The following SLCO6A1 variants were observed in gnomAD, a reference collection of about 807,000 sequenced individuals.
SLCO6A1 encodes solute carrier organic anion transporter family member 6A1, also known as cancer/testis antigen 48.
SLCO6A1 carries 65 observed loss-of-function variants against 72.7 expected under a neutral mutation model. That is an observed-to-expected ratio of 0.89 (90% CI 0.73 to 1.10). SLCO6A1 has a LOEUF of 1.10. Ranked by LOEUF, SLCO6A1 falls within the 50% of genes least tolerant of loss-of-function variation. The pLI, the probability that SLCO6A1 is intolerant of heterozygous loss-of-function variation, is 0.00. For missense variants in SLCO6A1, 874 were observed against 872.6 expected, an observed-to-expected ratio of 1.00 and a Z score of -0.02; for synonymous variants, 314 against 298.2, an observed-to-expected ratio of 1.05 and a Z score of -0.55.
intron 11 of SLCO6A1, among the ~76,000 whole-genome samples, chr5:102,390,386 C>T (rs186173157): frequency 2.0e-5 from 3 of 152,162 alleles, no homozygotes; most frequent in African/African-American, 7.2e-5. Flanking sequence ...TGATCTCTAT[C>T]AGAGCCGCAC....
At chr5:102,406,745 T>TA (rs536925183) in intron 9 of SLCO6A1, among the ~76,000 whole-genome samples, 33 of 151,030 alleles carry the variant, frequency 2.2e-4, no homozygotes, top group Admixed American at 1.5e-3. Flanking sequence ...ATTTGTATTC[T>TA]AAAAAAAAAC....
chr5:102,492,782 C>A (rs568588183), intron 1 of SLCO6A1, among the ~76,000 whole-genome samples: 3 of 152,340 alleles, frequency 2.0e-5, no homozygotes, highest in Admixed American at 6.5e-5. Flanking sequence ...CGAAGCCTCA[C>A]TCATTGCTAG....
intron 4 of SLCO6A1, among the ~76,000 whole-genome samples, chr5:102,471,046 G>A (rs933715205): frequency 1.3e-4 from 20 of 151,896 alleles, no homozygotes; most frequent in African/African-American, 4.8e-4. Context: ...CTTGGGGCAT[G>A]GTTTTTCTTT....
intron 1 of SLCO6A1, among the ~76,000 whole-genome samples, chr5:102,484,948 A>G (rs912038032): frequency 6.6e-6 from 1 of 152,032 alleles, no homozygotes. Context: ...ACTGAACAGG[A>G]CTGGGTTGTT....
intron 4 of SLCO6A1, among the ~76,000 whole-genome samples, chr5:102,474,444 A>G (rs1019777556): frequency 6.6e-6 from 1 of 152,142 alleles, no homozygotes; most frequent in Non-Finnish European, 1.5e-5. Context: ...TTAGACATCT[A>G]AACACAAGGC....
intron 7 of SLCO6A1, among the ~76,000 whole-genome samples, chr5:102,435,872 T>A (rs1749502447): frequency 6.9e-6 from 1 of 145,576 alleles, no homozygotes; most frequent in African/African-American, 2.6e-5. Context: ...TGAAACTCCA[T>A]CTCAAAAAAA....
intron 2 of SLCO6A1, 23 bp from the exon 3 acceptor site, chr5:102,477,884 A>AT: frequency 6.4e-7 from 1 of 1,565,936 alleles, no homozygotes; most frequent in Non-Finnish European, 8.7e-7. Flanking sequence ...CAATGATTAT[A>AT]TTTTTGTTAA....
chr5:102,398,647 T>C (rs906168447), intron 10 of SLCO6A1, among the ~76,000 whole-genome samples: 1 of 152,160 alleles, frequency 6.6e-6, no homozygotes, highest in African/African-American at 2.4e-5. Flanking sequence ...GCAACATTCA[T>C]GTTAACATGG....
At chr5:102,487,486 A>G (rs1752495753) in intron 1 of SLCO6A1, among the ~76,000 whole-genome samples, 1 of 152,238 alleles carries the variant, frequency 6.6e-6, no homozygotes, top group South Asian at 2.1e-4. Flanking sequence ...TGCTTAGACT[A>G]CTATGCACTC....
Position 102,388,669 on chromosome 5 carries a change from T to G in SLCO6A1, c.2017+19A>C. 6.8e-7 allele frequency: 1 copy of G among 1,475,712 alleles called. No homozygotes were observed. Among genetic ancestry groups the G allele is most frequent in the Non-Finnish European group, 9.1e-7 (1 of 1,094,528 alleles). 91.4% of individuals were successfully genotyped at this position (1,475,712 alleles called of 1,614,324 possible). A position where few individuals can be genotyped will look rare whatever the true frequency, so the allele number is the denominator to read the frequency against. On this transcript the variant is annotated intron_variant, in intron 12 of 13. Coordinates refer to ENST00000506729, the MANE Select transcript of SLCO6A1 (RefSeq NM_173488.5). Reference sequence around the variant, plus strand: ...GAAATAATTTTATTTCTCTAAGTTTTTTAATAAGTATCACTTACATATTCC... The same window carrying G: ...GAAATAATTTTATTTCTCTAAGTTTGTTAATAAGTATCACTTACATATTCC...
chr5:102,408,217 G>A (rs1190044571), intron 9 of SLCO6A1, among the ~76,000 whole-genome samples: 1 of 150,656 alleles, frequency 6.6e-6, no homozygotes, highest in African/African-American at 2.4e-5. Context: ...TAGCAATACT[G>A]TAATAAAAGT....
rs556163856 is a variant in SLCO6A1 at position 102,389,305 on chromosome 5, A to AT, written c.1880-481_1880-480insA. On this transcript the variant is annotated intron_variant, in intron 11 of 13. Coordinates refer to ENST00000506729, the MANE Select transcript of SLCO6A1 (RefSeq NM_173488.5). The stretch of plus-strand genomic sequence containing the variant: ...AATGCAAATACACTGGCATGTTTAT[A>AT]GTAGCCCCAGATTCAGATGACCTCA... 1.9e-3 allele frequency among the ~76,000 whole-genome samples: 289 copies of AT among 152,300 alleles called. 3 individuals are homozygous for AT. Among genetic ancestry groups the AT allele is most frequent in the African/African-American group, 6.7e-3 (280 of 41,586 alleles).
intron 7 of SLCO6A1, among the ~76,000 whole-genome samples, chr5:102,435,789 C>T (rs1311043761): frequency 6.6e-6 from 1 of 151,684 alleles, no homozygotes; most frequent in Non-Finnish European, 1.5e-5. Flanking sequence ...GCAGGAGAAT[C>T]GCTTGAACCT....
In SLCO6A1 at chr5:102,498,770, C is replaced by T. The variant is rs1440160929; in HGVS notation, c.75G>A (p.Ala25=). The T allele has an allele frequency of 4.3e-6, 7 of 1,614,140 alleles. No homozygotes were observed. Among genetic ancestry groups the T allele is most frequent in the African/African-American group, 1.3e-5 (1 of 75,054 alleles). ...VSRGVEPLEA[A]RAQPAKDRRA... ...TCCTGTCCTTAGCAGGCTGGGCCCGCGCGGCCTCCAGCGGCTCTACTCCCC... is the reference window on the plus strand; with the variant it reads ...TCCTGTCCTTAGCAGGCTGGGCCCGTGCGGCCTCCAGCGGCTCTACTCCCC... Residue 25 remains alanine, a synonymous_variant, in exon 1 of 14, where the codon GCG becomes GCA. Coordinates refer to ENST00000506729, the MANE Select transcript of SLCO6A1 (RefSeq NM_173488.5).
At chr5:102,488,114 C>T (rs1752522091) in intron 1 of SLCO6A1, among the ~76,000 whole-genome samples, 1 of 151,958 alleles carries the variant, frequency 6.6e-6, no homozygotes, top group Admixed American at 6.6e-5. Flanking sequence ...AATATGTTCC[C>T]CTACAATAAG....
chr5:102,421,293 G>A (rs1055615986), intron 7 of SLCO6A1, among the ~76,000 whole-genome samples: 3 of 152,022 alleles, frequency 2.0e-5, no homozygotes, highest in Non-Finnish European at 4.4e-5. Context: ...CCCTGGAAAC[G>A]GAGCCGAAGC....
Position 102,419,914 on chromosome 5 carries a change from A to G in SLCO6A1, c.1384T>C (p.Ser462Pro). 4 of 1,609,512 alleles carry G rather than the reference A, an allele frequency of 2.5e-6. No individual in the cohort carries two copies. Among genetic ancestry groups the G allele is most frequent in the Non-Finnish European group, 3.4e-6 (4 of 1,178,614 alleles). Reference protein sequence around the residue: ...KALMRFIMVTSVISLILLVFI... With the variant: ...KALMRFIMVTPVISLILLVFI... ...ACAAGCAGTATAAGTGATATCACAG[A>G]TGTAACCATTATAAATCTCATAAGG... The change falls in exon 8 of 14, where the codon TCT becomes CCT. Residue 462 changes from serine (S) to proline (P), a missense_variant. Physicochemically the swap from Ser to Pro is moderately conservative, Grantham distance 74. Coordinates refer to ENST00000506729, the MANE Select transcript of SLCO6A1 (RefSeq NM_173488.5).
At chr5:102,490,342 ATAC>A (rs1447567162) in intron 1 of SLCO6A1, among the ~76,000 whole-genome samples, 2 of 152,264 alleles carry the variant, frequency 1.3e-5, no homozygotes, top group Non-Finnish European at 2.9e-5. Context: ...ATAAATTGAA[ATAC>A]TACATTTTAT....
In SLCO6A1 at chr5:102,419,807, T is replaced by G; in HGVS notation, c.1472+19A>C. ...GTAGGATTTTGATGTAAAAGTCTAATATACAAGACTACATTTACCCATCAT... is the reference window on the plus strand; with the variant it reads ...GTAGGATTTTGATGTAAAAGTCTAAGATACAAGACTACATTTACCCATCAT... On this transcript the variant is annotated intron_variant, in intron 8 of 13. Transcript: ENST00000506729. The G allele has an allele frequency of 6.4e-7, 1 of 1,559,876 alleles. No individual in the cohort carries two copies. The highest frequency in any genetic ancestry group is 8.6e-7 in the Non-Finnish European group (1 of 1,160,234).
Sources: allele counts gnomAD v4.1 joint callset (sites outside exome capture counted in the v4.1 genomes callset), GRCh38; gene constraint gnomAD v4.1.1; transcripts MANE v1.5; gene names NCBI Gene and HGNC (gene_info 2026-07-23, HGNC 2026-07-21).